Variants in PELI2 observed in about 807,000 individuals in gnomAD.
PELI2 encodes the protein E3 ubiquitin-protein ligase pellino homolog 2.
Under a neutral mutation model 42.3 loss-of-function variants are expected in PELI2, and 23 were observed. That is an observed-to-expected ratio of 0.54 (90% confidence interval 0.39 to 0.77). The LOEUF is 0.77. PELI2 is among the 30% of genes least tolerant of loss of function. PELI2 has a pLI of 0.00. For synonymous variants in PELI2, 245 were observed against 212.2 expected (o/e 1.15, Z -1.34); for missense variants, 463 against 553.2 (o/e 0.84, Z 1.64).
At chr14:56,160,486 T>C (rs537468806) in intron 1 of PELI2, among the ~76,000 whole-genome samples, 2 of 152,310 alleles carry the variant, frequency 1.3e-5, no homozygotes, top group South Asian at 2.1e-4. Flanking sequence ...TAAAACTTAA[T>C]GAACATGGGA....
intron 2 of PELI2, among the ~76,000 whole-genome samples, chr14:56,223,450 C>G (rs1179836616): frequency 1.3e-5 from 2 of 152,130 alleles, no homozygotes; most frequent in Non-Finnish European, 2.9e-5. Flanking sequence ...GAGACCCAGC[C>G]CTTGGTCTCT....
chr14:56,193,389 C>G (rs7142227), intron 2 of PELI2, among the ~76,000 whole-genome samples: 60,631 of 151,984 alleles, frequency 0.4, 12,921 homozygotes, highest in South Asian at 0.52. Context: ...TGCTAAAACC[C>G]TGATTGTGGC....
intron 1 of PELI2, among the ~76,000 whole-genome samples, chr14:56,161,577 C>G (rs1178538540): frequency 6.6e-6 from 1 of 152,144 alleles, no homozygotes; most frequent in Admixed American, 6.5e-5. Flanking sequence ...CTGGCTGGGT[C>G]TTTCATATCT....
intron 2 of PELI2, among the ~76,000 whole-genome samples, chr14:56,275,065 C>T (rs1161461796): frequency 1.3e-4 from 5 of 39,888 alleles, no homozygotes; most frequent in South Asian, 8.3e-4. Flanking sequence ...GCAGTTCATT[C>T]GTTCATTCAT....
chr14:56,159,176 T>C (rs568969127), intron 1 of PELI2, among the ~76,000 whole-genome samples: 1 of 152,306 alleles, frequency 6.6e-6, no homozygotes, highest in East Asian at 1.9e-4. Context: ...ATCCCGAAAC[T>C]CAGTGACTTA....
intron 1 of PELI2, among the ~76,000 whole-genome samples, chr14:56,134,988 A>G (rs990316933): frequency 4.6e-5 from 7 of 152,336 alleles, no homozygotes; most frequent in South Asian, 4.1e-4. Flanking sequence ...CTAAAATTCA[A>G]CTTACTGATA....
intron 2 of PELI2, among the ~76,000 whole-genome samples, chr14:56,214,478 A>G (rs1250894309): frequency 1.3e-5 from 2 of 152,186 alleles, no homozygotes; most frequent in African/African-American, 4.8e-5. Flanking sequence ...AACATCCTTA[A>G]TTTTAATCTC....
rs562239699 is a variant in PELI2 at position 56,298,975 on chromosome 14, A to G, written c.*1809A>G. On this transcript the variant is annotated 3_prime_UTR_variant, in exon 6 of 6. Transcript: ENST00000267460. ...AAAGAAAAAAATGGACTTGCCTAGA[A>G]TAATATATTGAATGCCTTTTGATTT... The G allele has an allele frequency of 6.6e-6, 1 of 152,346 alleles. No homozygotes were observed. The highest frequency in any genetic ancestry group is 1.9e-4 in the East Asian group (1 of 5,186). 9.4% of individuals were successfully genotyped at this position (152,346 alleles called of 1,614,324 possible).
At chr14:56,186,153 A>T (rs559492680) in intron 2 of PELI2, among the ~76,000 whole-genome samples, 1 of 152,298 alleles carries the variant, frequency 6.6e-6, no homozygotes, top group Admixed American at 6.5e-5. Context: ...GATTTGGAGC[A>T]TGAGAGGGAC....
At chr14:56,122,828 T>C (rs1883113090) in intron 1 of PELI2, among the ~76,000 whole-genome samples, 1 of 152,222 alleles carries the variant, frequency 6.6e-6, no homozygotes. Context: ...AATGCATTAT[T>C]ACAGAAGTGC....
intron 1 of PELI2, among the ~76,000 whole-genome samples, chr14:56,152,500 A>C (rs182338317): frequency 6.6e-6 from 1 of 152,174 alleles, no homozygotes; most frequent in South Asian, 2.1e-4. Flanking sequence ...GGAGCTCTGC[A>C]GCCTGCCTCA....
intron 2 of PELI2, among the ~76,000 whole-genome samples, chr14:56,260,201 A>G (rs1370814171): frequency 6.6e-6 from 1 of 152,144 alleles, no homozygotes; most frequent in African/African-American, 2.4e-5. Context: ...CCAGATATAT[A>G]CATTTCTGGG....
At chr14:56,178,725 GA>G (rs1456752316) in intron 2 of PELI2, among the ~76,000 whole-genome samples, 7 of 152,158 alleles carry the variant, frequency 4.6e-5, no homozygotes, top group African/African-American at 1.7e-4. Context: ...AATGTCTCAA[GA>G]CATTGCAGCC....
At chr14:56,167,134 A>G (rs998096050) in intron 1 of PELI2, among the ~76,000 whole-genome samples, 21 of 152,306 alleles carry the variant, frequency 1.4e-4, no homozygotes, top group African/African-American at 3.4e-4. Context: ...TGATTATTAA[A>G]TACCTTGAGG....
intron 1 of PELI2, among the ~76,000 whole-genome samples, chr14:56,145,751 A>G (rs1884091189): frequency 6.6e-6 from 1 of 152,240 alleles, no homozygotes; most frequent in Admixed American, 6.5e-5. Flanking sequence ...AGAAAGGAAA[A>G]GATACGGCCT....
At chr14:56,179,903 C>T (rs560622797) in intron 2 of PELI2, among the ~76,000 whole-genome samples, 2 of 152,110 alleles carry the variant, frequency 1.3e-5, no homozygotes, top group African/African-American at 4.8e-5. Flanking sequence ...CGTGTTAATA[C>T]AATGGCTGAC....
At chr14:56,211,462 C>G (rs1480420253) in intron 2 of PELI2, among the ~76,000 whole-genome samples, 2 of 152,234 alleles carry the variant, frequency 1.3e-5, no homozygotes, top group Non-Finnish European at 2.9e-5. Flanking sequence ...ACAGGGTGCT[C>G]AGTGTGCACC....
Position 56,187,277 on chromosome 14 carries a change from A to G in PELI2, c.207+8813A>G, listed in dbSNP as rs186770398. On this transcript the variant is annotated intron_variant, in intron 2 of 5. Transcript: ENST00000267460. ...CAAACTAGAATGCTGCAACCCTAAA[A>G]TAAGTGAATATGATATTTGCCAATA... Among the ~76,000 whole-genome samples the G allele has an allele frequency of 2.1e-3, 327 of 152,306 alleles. 2 individuals carry two copies. Among genetic ancestry groups the G allele is most frequent in the Middle Eastern group, 6.8e-3 (2 of 294 alleles).
At chr14:56,148,815 G>C (rs536579239) in intron 1 of PELI2, among the ~76,000 whole-genome samples, 50 of 152,278 alleles carry the variant, frequency 3.3e-4, no homozygotes, top group Non-Finnish European at 5.3e-4. Context: ...TGTGATCCTG[G>C]TATCTAGTCC....
Sources: allele counts gnomAD v4.1 joint callset (sites outside exome capture counted in the v4.1 genomes callset), GRCh38; gene constraint gnomAD v4.1.1; transcripts MANE v1.5; gene names NCBI Gene and HGNC (gene_info 2026-07-23, HGNC 2026-07-21).